Variants in NRCAM observed in about 807,000 individuals in gnomAD.
NRCAM encodes NgCAM-related cell adhesion molecule.
In NRCAM, 83 loss-of-function variants were observed where a neutral mutation model predicts 156.5. The observed-to-expected ratio is 0.53, with a 90% CI of 0.44 to 0.64. NRCAM has a LOEUF of 0.64. NRCAM is among the 30% of genes least tolerant of loss of function. The pLI is 0.00. For synonymous variants in NRCAM, 538 were observed against 563.9 expected, an observed-to-expected ratio of 0.95 and a Z score of 0.65; for missense variants, 1,417 against 1,597.3, an observed-to-expected ratio of 0.89 and a Z score of 1.92.
At chr7:108,190,792 T>C (rs558625453) in intron 19 of NRCAM, among the ~76,000 whole-genome samples, 36 of 152,340 alleles carry the variant, frequency 2.4e-4, no homozygotes, top group African/African-American at 8.2e-4. Context: ...TTAAATGTTG[T>C]TCTAAACATC....
In NRCAM at chr7:108,168,389, A is replaced by G; in HGVS notation, c.3201T>C (p.Asn1067=). Residue 1067 remains asparagine, a synonymous_variant, in exon 29 of 33, where the codon AAT becomes AAC. Coordinates refer to ENST00000379028, the MANE Select transcript of NRCAM (RefSeq NM_001037132.4). ...DVGAGKVQAV[N]PRISNLTAAA... ...CAGCAGTAAGATTGCTGATCCTGGG[A>G]TTTACTGCTTGAACTAAACATACAA... 6.2e-7 allele frequency: 1 copy of G among 1,603,844 alleles called. No homozygotes were observed. The highest frequency in any genetic ancestry group is 8.5e-7 in the Non-Finnish European group (1 of 1,176,370).
intron 13 of NRCAM, among the ~76,000 whole-genome samples, chr7:108,203,026 G>A (rs1001327784): frequency 2.0e-5 from 3 of 152,184 alleles, no homozygotes; most frequent in Non-Finnish European, 2.9e-5. Flanking sequence ...AGGCTCTCCA[G>A]TGGGGAAGAC....
chr7:108,184,355 C>A, intron 21 of NRCAM, 44 bp from the exon 22 acceptor site: 2 of 1,613,136 alleles, frequency 1.2e-6, no homozygotes, highest in East Asian at 2.2e-5. Flanking sequence ...TGGCCTTTTG[C>A]GAAGAGTGGA....
At chr7:108,251,574 G>C (rs1311189229) in intron 3 of NRCAM, among the ~76,000 whole-genome samples, 2 of 152,186 alleles carry the variant, frequency 1.3e-5, no homozygotes, top group African/African-American at 2.4e-5. Flanking sequence ...GAAAAACCAA[G>C]ACCAGAAATG....
Position 108,435,479 on chromosome 7 carries a change from T to C in NRCAM, c.-332+20764A>G, listed in dbSNP as rs376335500. On this transcript the variant is annotated intron_variant, in intron 1 of 32. Coordinates refer to ENST00000379028, the MANE Select transcript of NRCAM (RefSeq NM_001037132.4). The stretch of plus-strand genomic sequence containing the variant: ...AAAGCAGAGGAGAGGGGGAGAAGAG[T>C]GGGTCGAAAAATACTTGACAAATAA... 5.9e-5 allele frequency among the ~76,000 whole-genome samples: 9 copies of C among 151,330 alleles called. 1 individual carries two copies. The South Asian group carries it at 1.7e-3, about 28-fold the overall frequency.
intron 2 of NRCAM, among the ~76,000 whole-genome samples, chr7:108,346,750 A>G (rs2099357645): frequency 6.6e-6 from 1 of 152,192 alleles, no homozygotes; most frequent in Non-Finnish European, 1.5e-5. Context: ...TGTCCAATCC[A>G]GTAATCACTA....
intron 13 of NRCAM, among the ~76,000 whole-genome samples, chr7:108,199,403 G>A (rs1207527032): frequency 6.6e-6 from 1 of 152,210 alleles, no homozygotes; most frequent in Non-Finnish European, 1.5e-5. Flanking sequence ...CACAAATGTA[G>A]TGGCTTAGAA....
At chr7:108,456,714 G>T (rs1337296059), upstream of NRCAM, 6 of 152,202 alleles carry the variant, frequency 3.9e-5, no homozygotes, top group South Asian at 2.1e-4. Context: ...CTGCGAGCGC[G>T]TGTGGCGGCG....
chr7:108,173,533 A>G (rs1229836014), intron 28 of NRCAM, among the ~76,000 whole-genome samples: 1 of 152,204 alleles, frequency 6.6e-6, no homozygotes, highest in East Asian at 1.9e-4. Context: ...TTAAGGAAGG[A>G]AAACCCAGGA....
intron 1 of NRCAM, among the ~76,000 whole-genome samples, chr7:108,446,235 A>G (rs1406216740): frequency 2.0e-5 from 3 of 152,214 alleles, no homozygotes; most frequent in South Asian, 2.1e-4. Flanking sequence ...TCTGGATTCA[A>G]TGATTTCACC....
At chr7:108,400,408 T>C (rs914339369) in intron 1 of NRCAM, among the ~76,000 whole-genome samples, 1 of 152,204 alleles carries the variant, frequency 6.6e-6, no homozygotes, top group African/African-American at 2.4e-5. Context: ...TTGGGCTTGC[T>C]AAGTGCTTCT....
chr7:108,408,721 T>C (rs1791547782), intron 1 of NRCAM, among the ~76,000 whole-genome samples: 1 of 152,248 alleles, frequency 6.6e-6, no homozygotes, highest in African/African-American at 2.4e-5. Context: ...TGGCTTTGAA[T>C]GCAGTTTGGA....
chr7:108,293,937 C>A (rs2098392216), intron 3 of NRCAM, among the ~76,000 whole-genome samples: 2 of 152,170 alleles, frequency 1.3e-5, no homozygotes, highest in African/African-American at 4.8e-5. Context: ...TTTTAGCCCA[C>A]ACCTGTTCCT....
intron 2 of NRCAM, among the ~76,000 whole-genome samples, chr7:108,399,145 T>C (rs936701971): frequency 6.7e-6 from 1 of 149,724 alleles, no homozygotes; most frequent in Admixed American, 6.7e-5. Flanking sequence ...AGAAACATTA[T>C]TGATTTTTAA....
At chr7:108,330,572 T>C (rs990522387) in intron 2 of NRCAM, among the ~76,000 whole-genome samples, 9 of 152,148 alleles carry the variant, frequency 5.9e-5, no homozygotes, top group Admixed American at 3.3e-4. Flanking sequence ...TTTTGGTAAA[T>C]AGAGGTACTG....
At position 108,197,975 on chromosome 7, in the gene NRCAM, G is replaced by A. The variant is rs968424772; in HGVS notation, c.1332C>T (p.Asn444=). Residue 444 remains asparagine, a synonymous_variant, in exon 14 of 33, where the codon AAC becomes AAT. Transcript: ENST00000379028. ...GCTTACCCAGCACATTTACAAATGC[G>A]TTTGCCAGTAAATATCCATATTCAT... ...ASNEYGYLLA[N]AFVNVLAEPP... The A allele has an allele frequency of 1.1e-5, 17 of 1,573,906 alleles. No individual in the cohort carries two copies. The highest frequency in any genetic ancestry group is 2.7e-5 in the African/African-American group (2 of 73,438).
chr7:108,360,745 G>T (rs2099544799), intron 2 of NRCAM, among the ~76,000 whole-genome samples: 1 of 152,122 alleles, frequency 6.6e-6, no homozygotes, highest in African/African-American at 2.4e-5. Flanking sequence ...AATGAAGAAA[G>T]AATAGTTTTT....
At chr7:108,396,137 C>T (rs1257277516) in intron 2 of NRCAM, among the ~76,000 whole-genome samples, 1 of 152,144 alleles carries the variant, frequency 6.6e-6, no homozygotes, top group Non-Finnish European at 1.5e-5. Context: ...GTGTGTCTAT[C>T]ATGCAGCGAA....
At chr7:108,440,442 T>C (rs956496205) in intron 1 of NRCAM, among the ~76,000 whole-genome samples, 2 of 152,236 alleles carry the variant, frequency 1.3e-5, no homozygotes, top group Admixed American at 1.3e-4. Context: ...AAAAGTTTTC[T>C]ACATTCATCA....
Sources: gnomAD v4.1 joint callset for allele counts (sites outside exome capture counted in the v4.1 genomes callset) on GRCh38, gnomAD v4.1.1 for gene constraint, MANE v1.5 for transcripts, NCBI Gene and HGNC (gene_info 2026-07-23, HGNC 2026-07-21) for gene names.